Variants in AMPH observed in about 807,000 individuals in gnomAD.
AMPH encodes the protein amphiphysin.
In AMPH, 49 loss-of-function variants were observed where a neutral mutation model predicts 99.1. The ratio of observed to expected loss-of-function variants is 0.49; its 90% confidence interval spans 0.39 to 0.63. The LOEUF is 0.63. AMPH is among the 20% of genes least tolerant of loss of function. AMPH has a pLI of 0.00. For synonymous variants in AMPH, 314 were observed against 317.3 expected (o/e 0.99, Z 0.11); for missense variants, 759 against 863.4 (o/e 0.88, Z 1.52).
intron 2 of AMPH, among the ~76,000 whole-genome samples, chr7:38,525,989 T>C (rs902326295): frequency 1.3e-5 from 2 of 152,180 alleles, no homozygotes; most frequent in Non-Finnish European, 2.9e-5. Flanking sequence ...TTGGGTTGTA[T>C]GGTATACATG....
intron 20 of AMPH, among the ~76,000 whole-genome samples, chr7:38,387,784 T>TA (rs528120700): frequency 0.014 from 1,963 of 136,362 alleles, 29 homozygotes; most frequent in African/African-American, 0.046. Flanking sequence ...ATGAAGACCA[T>TA]AAAAAAAAAA....
In AMPH at chr7:38,520,398, C is replaced by T. The variant is rs534071455; in HGVS notation, c.150+14533G>A. Among the ~76,000 whole-genome samples, 64 of 152,186 alleles carry T rather than the reference C, an allele frequency of 4.2e-4. 1 individual carries two copies. The highest frequency in any genetic ancestry group is 1.3e-3 in the African/African-American group (56 of 41,528). On this transcript the variant is annotated intron_variant, in intron 2 of 20. Coordinates refer to ENST00000356264, the MANE Select transcript of AMPH (RefSeq NM_001635.4). ...TTAAAAAGAGGGCTTTGATATTAAACGAGTGAGGCACATAATATGCAAAGC... is the reference window on the plus strand; with the variant it reads ...TTAAAAAGAGGGCTTTGATATTAAATGAGTGAGGCACATAATATGCAAAGC...
chr7:38,402,030 CAT>C (rs1279260440), intron 17 of AMPH, among the ~76,000 whole-genome samples: 1 of 152,142 alleles, frequency 6.6e-6, no homozygotes, highest in East Asian at 1.9e-4. Flanking sequence ...AGCTTGTCCT[CAT>C]ATCACTAAAT....
In AMPH at chr7:38,491,031, T is replaced by C. The variant is rs1357878685; in HGVS notation, c.396+19A>G. 4.6e-6 allele frequency: 7 copies of C among 1,536,652 alleles called. No homozygotes were observed. Among genetic ancestry groups the C allele is most frequent in the Non-Finnish European group, 6.3e-6 (7 of 1,110,330 alleles). On this transcript the variant is annotated intron_variant, in intron 5 of 20. Transcript: ENST00000356264. The stretch of plus-strand genomic sequence containing the variant: ...TGACCCCACTCAATCCTTCCCTTTA[T>C]AGACACAGAGTAAAATACCTTTATG...
At chr7:38,417,154 A>G (rs1234194958) in intron 17 of AMPH, among the ~76,000 whole-genome samples, 1 of 152,204 alleles carries the variant, frequency 6.6e-6, no homozygotes, top group Non-Finnish European at 1.5e-5. Context: ...GGGTATTACA[A>G]TGTCCAATTC....
At chr7:38,608,361 C>T (rs1445471086) in intron 1 of AMPH, among the ~76,000 whole-genome samples, 6 of 152,166 alleles carry the variant, frequency 3.9e-5, no homozygotes, top group Admixed American at 1.3e-4. Flanking sequence ...CTGAAGGCAA[C>T]GTGCTCTCTC....
At chr7:38,615,613 G>T (rs1234485388) in intron 1 of AMPH, among the ~76,000 whole-genome samples, 1 of 150,994 alleles carries the variant, frequency 6.6e-6, no homozygotes, top group African/African-American at 2.5e-5. Flanking sequence ...TGAGAAGTGA[G>T]GATAATGTCA....
intron 17 of AMPH, among the ~76,000 whole-genome samples, chr7:38,405,786 AC>A (rs1784969204): frequency 6.6e-6 from 1 of 152,182 alleles, no homozygotes; most frequent in African/African-American, 2.4e-5. Context: ...GGACTTCAAT[AC>A]CCCACTGATA....
chr7:38,583,411 G>T (rs1584272310), intron 1 of AMPH, among the ~76,000 whole-genome samples: 1 of 151,034 alleles, frequency 6.6e-6, no homozygotes, highest in East Asian at 1.9e-4. Context: ...ATTTTTTTTA[G>T]TATTTCAGTA....
At chr7:38,488,968 A>G (rs762238616) in intron 5 of AMPH, among the ~76,000 whole-genome samples, 2 of 92,986 alleles carry the variant, frequency 2.2e-5, no homozygotes, top group Non-Finnish European at 4.2e-5. Flanking sequence ...ATCTTAATGG[A>G]ATTTTTAACA....
At chr7:38,620,585 A>G (rs1794025583) in intron 1 of AMPH, among the ~76,000 whole-genome samples, 1 of 145,286 alleles carries the variant, frequency 6.9e-6, no homozygotes, top group African/African-American at 2.6e-5. Context: ...ACACACACAC[A>G]CACACGTGCA....
At chr7:38,571,300 AAT>A (rs1196749826) in intron 1 of AMPH, among the ~76,000 whole-genome samples, 1 of 71,792 alleles carries the variant, frequency 1.4e-5, no homozygotes, top group South Asian at 3.9e-4. Context: ...TTTATATATG[AAT>A]ATATATATTT....
chr7:38,422,721 C>T (rs1262512999), intron 15 of AMPH, among the ~76,000 whole-genome samples: 1 of 152,128 alleles, frequency 6.6e-6, no homozygotes, highest in East Asian at 1.9e-4. Flanking sequence ...TCCCTGGGCT[C>T]AGGCGATCTA....
Position 38,463,804 on chromosome 7 carries a change from C to T in AMPH, c.750-691G>A, listed in dbSNP as rs186890061. Among the ~76,000 whole-genome samples, 166 of 152,306 alleles carry T rather than the reference C, an allele frequency of 1.1e-3. 3 individuals are homozygous for T. The highest frequency in any genetic ancestry group is 8.7e-3 in the Admixed American group (133 of 15,298). ...ACCATGTTCCTGGCATGCGGCCAGA[C>T]GCTCGGGAACAGCCCAAATGTGATG... On this transcript the variant is annotated intron_variant, in intron 9 of 20. Coordinates refer to ENST00000356264, the MANE Select transcript of AMPH (RefSeq NM_001635.4).
At chr7:38,485,899 T>C (rs76654260) in intron 5 of AMPH, among the ~76,000 whole-genome samples, 39 of 152,002 alleles carry the variant, frequency 2.6e-4, no homozygotes, top group African/African-American at 8.9e-4. Context: ...GATATCAAAA[T>C]GGATATTAAA....
chr7:38,476,557 T>G (rs530144539), intron 6 of AMPH, among the ~76,000 whole-genome samples: 4 of 152,320 alleles, frequency 2.6e-5, no homozygotes, highest in Admixed American at 2.6e-4. Context: ...CATCTGCATT[T>G]CAGCACTGAG....
Position 38,391,849 on chromosome 7 carries a change from C to T in AMPH, c.1777G>A (p.Asp593Asn). The change falls in exon 19 of 21, where the codon GAC (aspartate) becomes AAC (asparagine). Residue 593 changes from aspartate to asparagine, a missense_variant. Around this residue, in one of 2 missense-constraint regions of AMPH, gnomAD observed 554 missense variants for 575.6 expected, o/e 0.96. Transcript: ENST00000356264. ...ELATEQKPIQ[D>N]PQPTPSAPAM... ...GGTGCAGAAGGCGTGGGCTGAGGGT[C>T]CTGGATAGGCTTCTGCTCCGTAGCC... 1.9e-6 allele frequency: 3 copies of T among 1,613,158 alleles called. No homozygotes were observed. The South Asian group carries it at 3.3e-5, about 18-fold the overall frequency.
chr7:38,623,680 C>T (rs1794145114), intron 1 of AMPH, among the ~76,000 whole-genome samples: 1 of 152,152 alleles, frequency 6.6e-6, no homozygotes, highest in Non-Finnish European at 1.5e-5. Context: ...ACAGATGGGC[C>T]CTGGGCCTCA....
chr7:38,469,917 A>T (rs1294840283), intron 7 of AMPH, among the ~76,000 whole-genome samples: 1 of 152,160 alleles, frequency 6.6e-6, no homozygotes, highest in Non-Finnish European at 1.5e-5. Flanking sequence ...TTAGTGGCCC[A>T]CCCACTAACC....
Sources: gnomAD v4.1 joint callset for allele counts (sites outside exome capture counted in the v4.1 genomes callset) on GRCh38, gnomAD v4.1.1 for gene constraint, gnomAD v4.1.1 regional missense constraint, MANE v1.5 for transcripts, NCBI Gene and HGNC (gene_info 2026-07-23, HGNC 2026-07-21) for gene names.